ACACA: variants seen among roughly 807,000 people sequenced by gnomAD.
ACACA encodes acetyl-CoA carboxylase 1.
Under a neutral mutation model 296.1 loss-of-function variants are expected in ACACA, and 103 were observed. The observed-to-expected ratio is 0.35, with a 90% confidence interval of 0.30 to 0.41. The LOEUF is 0.41. ACACA is among the 10% of genes least tolerant of loss of function. The probability of loss-of-function intolerance (pLI) is 1.00; values close to 1 mark genes in which losing one functional copy is unlikely to be tolerated. For synonymous variants in ACACA, 953 were observed against 1,038.6 expected, an observed-to-expected ratio of 0.92 and a Z score of 1.58; for missense variants, 1,554 against 2,989.7, an observed-to-expected ratio of 0.52 and a Z score of 11.20.
chr17:37,334,891 C>G (rs1489923844), intron 2 of ACACA, among the ~76,000 whole-genome samples: 8 of 152,084 alleles, frequency 5.3e-5, no homozygotes, highest in African/African-American at 1.4e-4. Context: ...CCCATATGCC[C>G]CACAACTGCT....
rs1393614803 is a variant in ACACA at position 37,384,547 on chromosome 17, T to C, written c.38+21715A>G. ...GGTAGAGCAAGTATTATTTTACTAT[T>C]ACCATCTTACAGATTAAAAAAAAAA... is the stretch of plus-strand genomic sequence containing the variant. On this transcript the variant is annotated intron_variant, in intron 1 of 55. Transcript: ENST00000616317. 5.9e-5 allele frequency among the ~76,000 whole-genome samples: 9 copies of C among 151,696 alleles called. 1 individual carries two copies. The highest frequency in any genetic ancestry group is 5.3e-4 in the Admixed American group (8 of 15,180).
chr17:37,335,119 GA>G (rs2048056096), intron 2 of ACACA, among the ~76,000 whole-genome samples: 1 of 152,042 alleles, frequency 6.6e-6, no homozygotes, highest in Admixed American at 6.6e-5. Flanking sequence ...CAAAGGACTA[GA>G]TCTCTCAAAA....
intron 1 of ACACA, chr17:37,389,285 T>C: frequency 6.3e-7 from 1 of 1,598,138 alleles, no homozygotes; most frequent in Non-Finnish European, 8.5e-7. Flanking sequence ...CCAATGCCAG[T>C]GGTTGTGGAG....
At chr17:37,176,767 T>C (rs1026299834) in intron 41 of ACACA, among the ~76,000 whole-genome samples, 4 of 152,198 alleles carry the variant, frequency 2.6e-5, no homozygotes, top group Non-Finnish European at 4.4e-5. Context: ...CTCCATTGTA[T>C]GTTCAAGCTA....
In ACACA at chr17:37,086,301, T is replaced by C. The variant is rs112276413; in HGVS notation, c.*1015A>G. On this transcript the variant is annotated 3_prime_UTR_variant, in exon 56 of 56. Transcript: ENST00000616317. ...AATCCTGGAACTAGGGAAGAGTGAG[T>C]GTGGAGGCACCATTAACCTCTCAAA... is the stretch of plus-strand genomic sequence containing the variant. The C allele has an allele frequency of 0.012, 1,814 of 153,090 alleles. 41 individuals are homozygous for C. Among genetic ancestry groups the C allele is most frequent in the African/African-American group, 0.041 (1,692 of 41,520 alleles). 9.5% of individuals were successfully genotyped at this position (153,090 alleles called of 1,614,324 possible).
chr17:37,145,072 C>A (rs1271970115), intron 45 of ACACA, among the ~76,000 whole-genome samples: 2 of 152,210 alleles, frequency 1.3e-5, no homozygotes, highest in Non-Finnish European at 2.9e-5. Flanking sequence ...ACAATACTAG[C>A]TCTTCCCAGC....
intron 41 of ACACA, among the ~76,000 whole-genome samples, chr17:37,164,810 T>C (rs562139691): frequency 6.6e-6 from 1 of 152,234 alleles, no homozygotes; most frequent in Non-Finnish European, 1.5e-5. Flanking sequence ...CCAAATTTTA[T>C]GATATATTAA....
intron 3 of ACACA, among the ~76,000 whole-genome samples, chr17:37,286,076 G>C (rs1174649946): frequency 6.6e-6 from 1 of 152,142 alleles, no homozygotes; most frequent in Non-Finnish European, 1.5e-5. Context: ...TTTTAGTAGA[G>C]ACAAGGTTTC....
chr17:37,375,187 C>T (rs1264967551), intron 1 of ACACA, among the ~76,000 whole-genome samples: 1 of 147,630 alleles, frequency 6.8e-6, no homozygotes, highest in Non-Finnish European at 1.5e-5. Context: ...GAACGAGACT[C>T]CATTTCACAA....
chr17:37,229,776 AAAAT>A (rs1320322579), intron 25 of ACACA, among the ~76,000 whole-genome samples: 1 of 152,084 alleles, frequency 6.6e-6, no homozygotes, highest in Non-Finnish European at 1.5e-5. Context: ...GAGATTAGAA[AAAAT>A]AAATGTGGGC....
chr17:37,257,239 A>AT (rs1399352817), intron 14 of ACACA, among the ~76,000 whole-genome samples: 14 of 152,212 alleles, frequency 9.2e-5, no homozygotes, highest in African/African-American at 1.2e-4. Context: ...TTAAATAACT[A>AT]TAAGAGTACA....
intron 1 of ACACA, chr17:37,386,244 T>C: frequency 1.5e-6 from 1 of 649,590 alleles, no homozygotes; most frequent in East Asian, 2.9e-5. Context: ...TTCTTGAGGT[T>C]GAGAAGTTAC....
At position 37,333,451 on chromosome 17, in the gene ACACA, C is replaced by T. The variant is rs537217738; in HGVS notation, c.86-3026G>A. 5.3e-5 allele frequency among the ~76,000 whole-genome samples: 8 copies of T among 152,126 alleles called. No individual in the cohort carries two copies. The East Asian group carries it at 1.5e-3, about 29-fold the overall frequency. ...CATTAGAAATGCTTATAGAAGGACA[C>T]CTAGTATGGGGTAATCCCCTCCAGG... On this transcript the variant is annotated intron_variant, in intron 2 of 55. Coordinates refer to ENST00000616317, the MANE Select transcript of ACACA (RefSeq NM_198834.3).
chr17:37,173,836 CAG>C (rs1247585734), intron 41 of ACACA, among the ~76,000 whole-genome samples: 1 of 147,670 alleles, frequency 6.8e-6, no homozygotes, highest in Admixed American at 6.8e-5. Flanking sequence ...TTTTTTCAGC[CAG>C]AGTCTCACTC....
At chr17:37,170,902 T>A (rs139591726) in intron 41 of ACACA, among the ~76,000 whole-genome samples, 1 of 152,322 alleles carries the variant, frequency 6.6e-6, no homozygotes, top group African/African-American at 2.4e-5. Flanking sequence ...ACAAAGAAAT[T>A]TGCAGGAAAA....
intron 1 of ACACA, among the ~76,000 whole-genome samples, chr17:37,363,286 G>C (rs1232787883): frequency 1.4e-5 from 2 of 142,756 alleles, no homozygotes; most frequent in Non-Finnish European, 3.0e-5. Flanking sequence ...GGGTTCAAGC[G>C]ATTCTTCTGC....
intron 50 of ACACA, among the ~76,000 whole-genome samples, chr17:37,114,957 G>A (rs1309696915): frequency 1.3e-5 from 2 of 152,226 alleles, no homozygotes; most frequent in African/African-American, 4.8e-5. Flanking sequence ...CTTCTCCAAA[G>A]TAAAAATGGC....
intron 47 of ACACA, among the ~76,000 whole-genome samples, chr17:37,127,836 C>T (rs1433832761): frequency 7.0e-6 from 1 of 143,316 alleles, no homozygotes; most frequent in Non-Finnish European, 1.5e-5. Context: ...GAGTGAGACT[C>T]CGCCTCAAAA....
At chr17:37,210,980 G>A (rs762688414) in intron 29 of ACACA, among the ~76,000 whole-genome samples, 5 of 152,008 alleles carry the variant, frequency 3.3e-5, no homozygotes, top group African/African-American at 4.8e-5. Flanking sequence ...GCTTATCCAG[G>A]ATATGTGACA....
Sources: gnomAD v4.1 joint callset for allele counts (sites outside exome capture counted in the v4.1 genomes callset) on GRCh38, gnomAD v4.1.1 for gene constraint, MANE v1.5 for transcripts, NCBI Gene and HGNC (gene_info 2026-07-23, HGNC 2026-07-21) for gene names.